C11orf65: variants seen among roughly 807,000 people sequenced by gnomAD.
C11orf65 encodes the protein protein MFI.
C11orf65 carries 38 observed loss-of-function variants against 35.3 expected under a neutral mutation model. The observed-to-expected ratio is 1.08, with a 90% CI of 0.83 to 1.41. The LOEUF (loss-of-function observed/expected upper bound fraction) is 1.41. Ranked by LOEUF, C11orf65 falls within the 40% of genes most tolerant of loss-of-function variation. C11orf65 has a pLI of 0.00. For missense variants in C11orf65, 370 were observed against 367.1 expected, an observed-to-expected ratio of 1.01 and a Z score of -0.06; for synonymous variants, 105 against 114.4, an observed-to-expected ratio of 0.92 and a Z score of 0.53.
rs1367872367 is a variant in C11orf65 at position 108,405,463 on chromosome 11, T to A, written c.526A>T (p.Arg176Ter). The A allele has an allele frequency of 1.2e-6, 2 of 1,613,282 alleles. No individual in the cohort carries two copies. Among genetic ancestry groups the A allele is most frequent in the East Asian group, 4.5e-5 (2 of 44,872 alleles). ...ATCCACTCTATTTTTCTAAGTTTTC[T>A]TTTCTTTTCCAAATCTTGCCTTCTC... ...LKRRQDLEKK[R>*]KLRKIEWMRQ... The change falls in exon 6 of 9, where the codon AGA becomes TGA. Residue 176 changes from arginine (R) to a stop codon, truncating the protein, a stop_gained. Coordinates refer to ENST00000393084, the MANE Select transcript of C11orf65 (RefSeq NM_152587.5). LOFTEE classifies it high-confidence loss of function.
intron 3 of C11orf65, 90 bp downstream of exon 3, chr11:108,431,656 G>T: frequency 2.9e-6 from 2 of 682,240 alleles, no homozygotes; most frequent in South Asian, 4.4e-5. Flanking sequence ...GTTTTAAAAA[G>T]AAACAAATAT....
At chr11:108,433,374 C>A (rs969460974) in intron 2 of C11orf65, among the ~76,000 whole-genome samples, 1 of 151,404 alleles carries the variant, frequency 6.6e-6, no homozygotes, top group Non-Finnish European at 1.5e-5. Flanking sequence ...GTCAGGAGAT[C>A]GAGACCACCC....
At chr11:108,355,734 G>A (rs2089829813) in intron 2 of C11orf65, 1 of 152,184 alleles carries the variant, frequency 6.6e-6, no homozygotes, top group African/African-American at 2.4e-5. Context: ...AGATGGGGCA[G>A]GAATATGTGC....
At chr11:108,439,731 T>C (rs1354676377) in intron 2 of C11orf65, among the ~76,000 whole-genome samples, 1 of 152,086 alleles carries the variant, frequency 6.6e-6, no homozygotes, top group Non-Finnish European at 1.5e-5. Flanking sequence ...TACAAAAAGA[T>C]AAATCCACTT....
chr11:108,389,236 G>A (rs2092088671), intron 7 of C11orf65, among the ~76,000 whole-genome samples: 1 of 152,184 alleles, frequency 6.6e-6, no homozygotes, highest in Non-Finnish European at 1.5e-5. Flanking sequence ...AATATCTAGA[G>A]GTCTACAAAG....
At chr11:108,442,270 TAGAGAAAAA>T (rs2093166892) in intron 2 of C11orf65, among the ~76,000 whole-genome samples, 1 of 151,928 alleles carries the variant, frequency 6.6e-6, no homozygotes, top group African/African-American at 2.4e-5. Flanking sequence ...AAGAGAAGTT[TAGAGAAAAA>T]AGAGGAAAAA....
In C11orf65 at chr11:108,315,072, C is replaced by G. The variant is rs530884081; in HGVS notation, c.641-6001G>C. 2.1e-3 allele frequency among the ~76,000 whole-genome samples: 314 copies of G among 152,244 alleles called. 1 individual carries two copies. The highest frequency in any genetic ancestry group is 7.0e-3 in the African/African-American group (292 of 41,556). ...GTGTTAATCAAGGCTTATAGTATTG[C>G]AGTAAACACAGTGAAAAAATACATG... On this transcript the variant is annotated intron_variant, in intron 6 of 6. Transcript: ENST00000525729.
chr11:108,353,999 TG>T, intron 2 of C11orf65: 1 of 1,018,958 alleles, frequency 9.8e-7, no homozygotes. Context: ...GAGGATTGTT[TG>T]AGCCCAGGAG....
At chr11:108,343,641 T>C (rs1057114428) in intron 2 of C11orf65, among the ~76,000 whole-genome samples, 1 of 152,160 alleles carries the variant, frequency 6.6e-6, no homozygotes, top group Admixed American at 6.6e-5. Context: ...GATAAACTAA[T>C]TCTTAGCAAA....
chr11:108,423,301 C>T (rs1228399391), intron 3 of C11orf65, among the ~76,000 whole-genome samples: 1 of 152,166 alleles, frequency 6.6e-6, no homozygotes, highest in Non-Finnish European at 1.5e-5. Context: ...GGATCCCACC[C>T]CCATGGAGCC....
intron 2 of C11orf65, among the ~76,000 whole-genome samples, chr11:108,376,928 A>G (rs1469396625): frequency 1.3e-5 from 2 of 152,132 alleles, no homozygotes; most frequent in African/African-American, 2.4e-5. Flanking sequence ...AGACTAAACC[A>G]GGAAGAAGTT....
downstream of C11orf65, among the ~76,000 whole-genome samples, chr11:108,326,866 C>G (rs759213311): frequency 6.6e-6 from 1 of 152,144 alleles, no homozygotes; most frequent in Non-Finnish European, 1.5e-5. Flanking sequence ...TGCTCTGTCA[C>G]CCAGGCTGGA....
At chr11:108,445,164 C>T (rs2093232586) in intron 2 of C11orf65, among the ~76,000 whole-genome samples, 1 of 152,208 alleles carries the variant, frequency 6.6e-6, no homozygotes, top group African/African-American at 2.4e-5. Context: ...CCTCTGTAGG[C>T]TCCACCTCTG....
chr11:108,331,651 T>C (rs1270729964), intron 3 of C11orf65: 4 of 1,417,958 alleles, frequency 2.8e-6, no homozygotes, highest in African/African-American at 2.9e-5. Flanking sequence ...CTCTAAGAAA[T>C]GGAAATACAA....
chr11:108,461,648 G>T (rs1174876516), intron 1 of C11orf65, 80 bp from the exon 2 acceptor site: 7 of 970,464 alleles, frequency 7.2e-6, no homozygotes, highest in Middle Eastern at 3.1e-4. Flanking sequence ...TTTTTTTAGA[G>T]ACACATTCTT....
At chr11:108,328,407 C>T (rs555519029), downstream of C11orf65, among the ~76,000 whole-genome samples, 2 of 152,186 alleles carry the variant, frequency 1.3e-5, no homozygotes, top group East Asian at 3.9e-4. Flanking sequence ...CCACCACACC[C>T]GGCTAATATT....
intron 2 of C11orf65, among the ~76,000 whole-genome samples, chr11:108,348,924 T>A (rs951364434): frequency 6.6e-6 from 1 of 152,170 alleles, no homozygotes; most frequent in Non-Finnish European, 1.5e-5. Flanking sequence ...ACTAACCACA[T>A]CATCACTATT....
intron 7 of C11orf65, among the ~76,000 whole-genome samples, chr11:108,390,320 A>G (rs1345584027): frequency 6.6e-6 from 1 of 152,090 alleles, no homozygotes; most frequent in African/African-American, 2.4e-5. Flanking sequence ...CACCACACCC[A>G]GCCTGTTTTT....
At chr11:108,438,002 A>G (rs1331653800) in intron 2 of C11orf65, among the ~76,000 whole-genome samples, 11 of 152,208 alleles carry the variant, frequency 7.2e-5, no homozygotes, top group Non-Finnish European at 1.5e-5. Context: ...GGATTTCAAA[A>G]CTTACTAAAG....
Sources: allele counts gnomAD v4.1 joint callset (sites outside exome capture counted in the v4.1 genomes callset), GRCh38; gene constraint gnomAD v4.1.1; transcripts MANE v1.5; gene names NCBI Gene and HGNC (gene_info 2026-07-23, HGNC 2026-07-21).